SUPT3H: variants seen among roughly 807,000 people sequenced by gnomAD.
The protein encoded by SUPT3H is transcription initiation protein SPT3 homolog.
A neutral mutation model predicts 44.3 loss-of-function variants in SUPT3H; 44 were observed. The observed-to-expected ratio is 0.99, with a 90% CI of 0.78 to 1.28. The LOEUF (loss-of-function observed/expected upper bound fraction) is 1.28, where lower values mean the gene tolerates loss of function less well. SUPT3H is among the 50% of genes most tolerant of loss of function. The pLI is 0.00. For missense variants in SUPT3H, 380 were observed against 387.1 expected (o/e 0.98, Z 0.15); for synonymous variants, 124 against 125.6 (o/e 0.99, Z 0.09).
chr6:44,943,181 G>C (rs1002446467), intron 9 of SUPT3H, among the ~76,000 whole-genome samples: 1 of 148,666 alleles, frequency 6.7e-6, no homozygotes, highest in Non-Finnish European at 1.5e-5. Flanking sequence ...TAGATAAATG[G>C]AAACTATAAA....
intron 2 of SUPT3H, among the ~76,000 whole-genome samples, chr6:45,187,038 G>A (rs191215596): frequency 1.3e-4 from 20 of 150,402 alleles, no homozygotes; most frequent in Admixed American, 9.3e-4. Flanking sequence ...GGGAGGCTGC[G>A]GCCAGTAGAT....
chr6:45,339,174 G>C (rs1191133341), intron 2 of SUPT3H, among the ~76,000 whole-genome samples: 1 of 152,124 alleles, frequency 6.6e-6, no homozygotes, highest in African/African-American at 2.4e-5. Context: ...AGAAAAAAGG[G>C]ATTGAAAGAG....
At chr6:45,094,046 C>T (rs972947602) in intron 3 of SUPT3H, among the ~76,000 whole-genome samples, 3 of 152,040 alleles carry the variant, frequency 2.0e-5, no homozygotes, top group South Asian at 2.1e-4. Flanking sequence ...TTCAAGATGG[C>T]GCAAATCTCT....
chr6:45,036,610 T>C lies in SUPT3H; in HGVS notation c.187-15978A>G, dbSNP rs1251949190. Among the ~76,000 whole-genome samples the C allele has an allele frequency of 3.3e-5, 5 of 151,982 alleles. 1 individual carries two copies. Among genetic ancestry groups the C allele is most frequent in the Non-Finnish European group, 7.4e-5 (5 of 67,926 alleles). On this transcript the variant is annotated intron_variant, in intron 3 of 10. Coordinates refer to ENST00000371459, the MANE Select transcript of SUPT3H (RefSeq NM_003599.4). ...TATAATAATTCTAAACACCAGAAAA[T>C]AATGAAAAAATGCCTTCATAATCTG...
At chr6:45,184,978 T>A (rs766992815) in intron 2 of SUPT3H, among the ~76,000 whole-genome samples, 2 of 152,132 alleles carry the variant, frequency 1.3e-5, no homozygotes, top group Non-Finnish European at 2.9e-5. Flanking sequence ...CTCTAACCTA[T>A]TCCGTCCTTG....
At chr6:44,901,365 A>G (rs1053945090) in intron 10 of SUPT3H, among the ~76,000 whole-genome samples, 8 of 152,256 alleles carry the variant, frequency 5.3e-5, no homozygotes, top group African/African-American at 1.9e-4. Context: ...CACAAGAACT[A>G]CGTGACGAAT....
intron 9 of SUPT3H, among the ~76,000 whole-genome samples, chr6:44,950,676 G>A (rs1244439457): frequency 6.6e-6 from 1 of 151,920 alleles, no homozygotes; most frequent in African/African-American, 2.4e-5. Context: ...AGCTTAACCA[G>A]CCCAGTTCCT....
intron 9 of SUPT3H, among the ~76,000 whole-genome samples, chr6:44,940,639 T>C (rs1476114231): frequency 2.0e-5 from 3 of 152,126 alleles, no homozygotes; most frequent in East Asian, 1.9e-4. Context: ...GGTGTTGAAG[T>C]TGTCCATTAT....
chr6:45,343,833 C>T (rs1004310417), intron 2 of SUPT3H, among the ~76,000 whole-genome samples: 2 of 152,270 alleles, frequency 1.3e-5, no homozygotes, highest in African/African-American at 2.4e-5. Context: ...GCTCCAACTA[C>T]TCACCTTCTA....
chr6:45,042,110 CA>C (rs1788625191), intron 3 of SUPT3H, among the ~76,000 whole-genome samples: 1 of 152,036 alleles, frequency 6.6e-6, no homozygotes, highest in African/African-American at 2.4e-5. Context: ...TTTTAAAAAA[CA>C]TCAAACTTGT....
chr6:45,377,438 C>G (rs920160861), intron 1 of SUPT3H: 1 of 152,494 alleles, frequency 6.6e-6, no homozygotes, highest in African/African-American at 2.4e-5. Flanking sequence ...GCAGCCCCCA[C>G]ACTACCTAGA....
intron 3 of SUPT3H, among the ~76,000 whole-genome samples, chr6:45,093,566 A>T (rs1797412561): frequency 6.6e-6 from 1 of 152,136 alleles, no homozygotes; most frequent in African/African-American, 2.4e-5. Flanking sequence ...CAGAGGAGAA[A>T]AGAAAAACTG....
At chr6:45,196,176 A>AG (rs753996285) in intron 2 of SUPT3H, among the ~76,000 whole-genome samples, 97 of 152,148 alleles carry the variant, frequency 6.4e-4, no homozygotes, top group Non-Finnish European at 1.2e-3. Flanking sequence ...AAAAGGGGGT[A>AG]GGGGGCAGAT....
chr6:45,051,140 C>T (rs1009400116), intron 3 of SUPT3H, among the ~76,000 whole-genome samples: 2 of 152,108 alleles, frequency 1.3e-5, no homozygotes, highest in Non-Finnish European at 2.9e-5. Flanking sequence ...CCACCCGCCT[C>T]GGCCTCCCAA....
At chr6:44,968,990 T>A in intron 6 of SUPT3H, among the ~76,000 whole-genome samples, 1 of 152,198 alleles carries the variant, frequency 6.6e-6, no homozygotes, top group East Asian at 1.9e-4. Flanking sequence ...CCCCCATTAC[T>A]GTGCTGGCCA....
At chr6:45,213,094 CTG>C (rs776935314) in intron 2 of SUPT3H, among the ~76,000 whole-genome samples, 2 of 152,288 alleles carry the variant, frequency 1.3e-5, no homozygotes, top group East Asian at 3.9e-4. Context: ...GACAAAACAA[CTG>C]TGTTTGCCAC....
intron 10 of SUPT3H, among the ~76,000 whole-genome samples, chr6:44,851,668 C>CA (rs775673629): frequency 1.3e-5 from 2 of 152,066 alleles, no homozygotes; most frequent in Non-Finnish European, 2.9e-5. Context: ...TTCCTTAAAA[C>CA]AAAAATGTGA....
At chr6:45,369,630 T>C (rs1795715853) in intron 1 of SUPT3H, among the ~76,000 whole-genome samples, 1 of 152,166 alleles carries the variant, frequency 6.6e-6, no homozygotes. Context: ...AGACACACTC[T>C]TATTTAAAGC....
rs1479655413 is a variant in SUPT3H at position 45,337,219 on chromosome 6, G to C, written c.101+27982C>G. Among the ~76,000 whole-genome samples the C allele has an allele frequency of 4.0e-5, 6 of 151,692 alleles. No individual in the cohort carries two copies. The East Asian group carries it at 1.2e-3, about 29-fold the overall frequency. On this transcript the variant is annotated intron_variant, in intron 2 of 10. Coordinates refer to ENST00000371459, the MANE Select transcript of SUPT3H (RefSeq NM_003599.4). The stretch of plus-strand genomic sequence containing the variant: ...TTTTCTAAACTGGCAAGACTAAAAA[G>C]AATCACATCCAATCCCTATTTTGCA...
Sources: gnomAD v4.1 joint callset for allele counts (sites outside exome capture counted in the v4.1 genomes callset) on GRCh38, gnomAD v4.1.1 for gene constraint, MANE v1.5 for transcripts, NCBI Gene and HGNC (gene_info 2026-07-23, HGNC 2026-07-21) for gene names.